Variants in PTPRN2 observed in about 807,000 individuals in gnomAD.
PTPRN2 encodes protein tyrosine phosphatase receptor type N2, also known as receptor-type tyrosine-protein phosphatase N2.
Under a neutral mutation model 118.8 loss-of-function variants are expected in PTPRN2, and 74 were observed. The observed-to-expected ratio is 0.62, with a 90% confidence interval of 0.52 to 0.76. PTPRN2 has a LOEUF of 0.76. Among genes scored for constraint, PTPRN2 ranks in the 30% least tolerant of loss-of-function variants. PTPRN2 has a pLI of 0.00. For synonymous variants in PTPRN2, 641 were observed against 608.0 expected (o/e 1.05, Z -0.80); for missense variants, 1,481 against 1,394.4 (o/e 1.06, Z -0.99).
At chr7:157,981,479 A>C (rs1019683591) in intron 11 of PTPRN2, among the ~76,000 whole-genome samples, 4 of 152,228 alleles carry the variant, frequency 2.6e-5, no homozygotes, top group Admixed American at 6.5e-5. Flanking sequence ...ACACACACAA[A>C]TTTGACTCCA....
In PTPRN2 at chr7:158,349,837, G is replaced by A. The variant is rs544453438; in HGVS notation, c.164-32905C>T. ...GTGGCCCACATCACTGCACCCCTGG[G>A]TGGCCCCTGAGGGCAGTGCTGAGGA... On this transcript the variant is annotated intron_variant, in intron 2 of 22. Transcript: ENST00000389418. Among the ~76,000 whole-genome samples the A allele has an allele frequency of 1.4e-3, 203 of 150,006 alleles. 1 individual carries two copies. Among genetic ancestry groups the A allele is most frequent in the African/African-American group, 4.8e-3 (196 of 40,654 alleles).
intron 2 of PTPRN2, among the ~76,000 whole-genome samples, chr7:158,381,245 G>T (rs1046824726): frequency 6.6e-6 from 1 of 152,162 alleles, no homozygotes; most frequent in African/African-American, 2.4e-5. Context: ...CTGTCAGGCT[G>T]CAAATTTTCT....
At chr7:158,128,399 A>G (rs1320889910) in intron 9 of PTPRN2, among the ~76,000 whole-genome samples, 1 of 152,076 alleles carries the variant, frequency 6.6e-6, no homozygotes, top group East Asian at 1.9e-4. Context: ...AAGTCAGCCA[A>G]GATAACATGA....
intron 11 of PTPRN2, among the ~76,000 whole-genome samples, chr7:157,919,427 C>T (rs1357390658): frequency 2.0e-5 from 3 of 151,948 alleles, no homozygotes; most frequent in Non-Finnish European, 2.9e-5. Context: ...AGGTGGGTTT[C>T]GAATACTGAG....
chr7:157,636,626 A>G (rs929675667), intron 14 of PTPRN2, among the ~76,000 whole-genome samples: 4 of 152,238 alleles, frequency 2.6e-5, no homozygotes, highest in African/African-American at 9.6e-5. Context: ...AAATTCCTGA[A>G]ATGGCTATTT....
At chr7:157,655,071 C>G (rs1255347030) in intron 14 of PTPRN2, among the ~76,000 whole-genome samples, 1 of 152,258 alleles carries the variant, frequency 6.6e-6, no homozygotes, top group African/African-American at 2.4e-5. Context: ...CGAGTGAACT[C>G]CACGAGCTGT....
chr7:158,061,881 C>G (rs1364300937), intron 11 of PTPRN2, among the ~76,000 whole-genome samples: 1 of 152,224 alleles, frequency 6.6e-6, no homozygotes, highest in Non-Finnish European at 1.5e-5. Flanking sequence ...TTTTGATGAG[C>G]AAAAATGGCA....
chr7:158,249,520 G>A (rs1270215027), intron 3 of PTPRN2, among the ~76,000 whole-genome samples: 1 of 133,436 alleles, frequency 7.5e-6, no homozygotes, highest in Non-Finnish European at 1.6e-5. Flanking sequence ...TCACACACAT[G>A]CACACCATAC....
rs765603003 is a variant in PTPRN2 at position 158,071,553 on chromosome 7, GTGGTGGAGGTGCTCC to G, written c.1723+9730_1723+9744del. On this transcript the variant is annotated intron_variant, in intron 11 of 22. Coordinates refer to ENST00000389418, the MANE Select transcript of PTPRN2 (RefSeq NM_002847.5). ...GCTCGTGATGATGGAGGTGCTCCTG[GTGGTGGAGGTGCTCC>G]TGGTGGAGGTGCTCCTGGTGGAGGT... Among the ~76,000 whole-genome samples, 41 of 84,272 alleles carry G rather than the reference GTGGTGGAGGTGCTCC, an allele frequency of 4.9e-4. 1 individual carries two copies. Among genetic ancestry groups the G allele is most frequent in the Admixed American group, 2.7e-3 (20 of 7,520 alleles). The allele number at this position is 84,272 out of a possible 152,430, so 55.3% of individuals were successfully genotyped here. A position where few individuals can be genotyped will look rare whatever the true frequency, so the allele number is the denominator to read the frequency against.
chr7:158,331,451 A>G (rs1005350730), intron 2 of PTPRN2, among the ~76,000 whole-genome samples: 13 of 146,866 alleles, frequency 8.9e-5, no homozygotes, highest in Admixed American at 2.7e-4. Flanking sequence ...TCTCACCATA[A>G]GAGCTGACAC....
rs1804035182 is a variant in PTPRN2, at chr7:157,632,674, T to C, written c.2197-11165A>G. Reference sequence around the variant, plus strand: ...AATAATGGGGATGATGACAGAGGCATCACTTTGTATTTCAGGCTGTCATTC... The same window carrying C: ...AATAATGGGGATGATGACAGAGGCACCACTTTGTATTTCAGGCTGTCATTC... On this transcript the variant is annotated intron_variant, in intron 14 of 22. Transcript: ENST00000389418. This position sits in a 1 kb window ranked among gnomAD's most constrained non-coding sequence, Gnocchi z 4.3. Among the ~76,000 whole-genome samples, 1 of 152,190 alleles carries C rather than the reference T, an allele frequency of 6.6e-6. No individual in the cohort carries two copies. The highest frequency in any genetic ancestry group is 1.5e-5 in the Non-Finnish European group (1 of 68,030).
At chr7:158,533,203 C>A (rs1453818998) in intron 1 of PTPRN2, among the ~76,000 whole-genome samples, 1 of 152,190 alleles carries the variant, frequency 6.6e-6, no homozygotes, top group Non-Finnish European at 1.5e-5. Context: ...GGGCTGAGTG[C>A]ATTTGTCCTA....
At chr7:158,250,970 A>G (rs1796616115) in intron 3 of PTPRN2, among the ~76,000 whole-genome samples, 1 of 152,034 alleles carries the variant, frequency 6.6e-6, no homozygotes, top group Admixed American at 6.6e-5. Flanking sequence ...AGATGAGCAC[A>G]TTTTTACTTG....
intron 3 of PTPRN2, among the ~76,000 whole-genome samples, chr7:158,216,530 TGTAA>T (rs1827971396): frequency 6.6e-6 from 1 of 151,984 alleles, no homozygotes; most frequent in Non-Finnish European, 1.5e-5. Context: ...AAATATATCA[TGTAA>T]GTATTAATCA....
chr7:157,599,229 C>T (rs1801522107), intron 16 of PTPRN2, among the ~76,000 whole-genome samples: 3 of 152,144 alleles, frequency 2.0e-5, no homozygotes, highest in Admixed American at 6.5e-5. Flanking sequence ...AGGCTGGTCT[C>T]GAACTCCTGA....
chr7:158,529,796 G>A lies in PTPRN2; in HGVS notation c.113-40011C>T, dbSNP rs964295534. ...CAGTCTCCCCAGGCCTCCCCAGCCA[G>A]CATGAGTTCTCAGCATCTCCTCTAC... On this transcript the variant is annotated intron_variant, in intron 1 of 22. Transcript: ENST00000389418. The surrounding 1 kb of genome is among the most constrained non-coding windows in gnomAD (Gnocchi z 4.7). 1.3e-5 allele frequency among the ~76,000 whole-genome samples: 2 copies of A among 152,132 alleles called. No homozygotes were observed. The highest frequency in any genetic ancestry group is 2.9e-5 in the Non-Finnish European group (2 of 68,002).
chr7:157,698,448 T>C (rs905599380), intron 12 of PTPRN2, among the ~76,000 whole-genome samples: 2 of 152,260 alleles, frequency 1.3e-5, no homozygotes, highest in African/African-American at 4.8e-5. Flanking sequence ...CATGCTTACA[T>C]GAAACCACGT....
intron 2 of PTPRN2, among the ~76,000 whole-genome samples, chr7:158,456,620 G>A (rs992363919): frequency 1.2e-4 from 18 of 152,140 alleles, no homozygotes; most frequent in African/African-American, 3.6e-4. Context: ...GGACGCCATC[G>A]GCCATGGCCA....
chr7:157,978,969 G>C (rs1369991159), intron 11 of PTPRN2, among the ~76,000 whole-genome samples: 1 of 152,070 alleles, frequency 6.6e-6, no homozygotes, highest in Non-Finnish European at 1.5e-5. Flanking sequence ...AAGGCCCAGA[G>C]GGGGGTGGCT....
Sources: gnomAD v4.1 joint callset for allele counts (sites outside exome capture counted in the v4.1 genomes callset) on GRCh38, gnomAD v4.1.1 for gene constraint, Gnocchi (gnomAD v3.1) non-coding constraint, MANE v1.5 for transcripts, NCBI Gene and HGNC (gene_info 2026-07-23, HGNC 2026-07-21) for gene names.